Variants in LRRFIP1 observed in about 807,000 individuals in gnomAD.
The protein encoded by LRRFIP1 is LRR binding FLII interacting protein 1, also known as leucine-rich repeat flightless-interacting protein 1.
LRRFIP1 carries 62 observed loss-of-function variants against 104.4 expected under a neutral mutation model. The observed-to-expected ratio is 0.59, with a 90% CI of 0.48 to 0.73. LRRFIP1 has a LOEUF of 0.73. Among genes scored for constraint, LRRFIP1 ranks in the 30% least tolerant of loss-of-function variants. The pLI, the probability that LRRFIP1 is intolerant of heterozygous loss-of-function variation, is 0.00. For synonymous variants in LRRFIP1, 300 were observed against 299.0 expected (o/e 1.00, Z -0.03); for missense variants, 796 against 824.5 (o/e 0.97, Z 0.42).
At chr2:237,777,491 T>C (rs1210187075) in intron 23 of LRRFIP1, among the ~76,000 whole-genome samples, 1 of 152,198 alleles carries the variant, frequency 6.6e-6, no homozygotes, top group Non-Finnish European at 1.5e-5. Context: ...TTCTGTGTGG[T>C]GGTCATTTTC....
rs568285725 is a variant in LRRFIP1, at chr2:237,779,998, G to T, written c.*466G>T. On this transcript the variant is annotated 3_prime_UTR_variant, in exon 24 of 24. Transcript: ENST00000308482. ...ACTTCAGTAGTATCTCTTAGTCTAC[G>T]CTTTTCATACACAAAACACTGTGGA... 5 of 152,980 alleles carry T rather than the reference G, an allele frequency of 3.3e-5. No individual in the cohort carries two copies. In the East Asian group the frequency reaches 9.6e-4, roughly 29 times the overall value. The allele number at this position is 152,980 out of a possible 1,614,324, so 9.5% of individuals were successfully genotyped here.
chr2:237,763,045 G>T, intron 19 of LRRFIP1: 1 of 1,614,216 alleles, frequency 6.2e-7, no homozygotes, highest in Non-Finnish European at 8.5e-7. Flanking sequence ...GTCCTTTAGG[G>T]CATAGTGATG....
intron 23 of LRRFIP1, 43 bp downstream of exon 23, chr2:237,774,505 T>C (rs777454360): frequency 7.6e-7 from 1 of 1,314,924 alleles, no homozygotes. Flanking sequence ...TGGCTGCCAG[T>C]ATTTCTCTAG....
intron 19 of LRRFIP1, chr2:237,762,609 C>T: frequency 3.1e-6 from 5 of 1,599,898 alleles, no homozygotes; most frequent in Non-Finnish European, 4.3e-6. Flanking sequence ...TTAGGAAGAG[C>T]CAGTGAAGTG....
rs569908630 is a variant in LRRFIP1 at position 237,762,803 on chromosome 2, G to C, written c.1459+2598G>C. The C allele has an allele frequency of 1.9e-5, 30 of 1,614,220 alleles. No individual in the cohort carries two copies. In the South Asian group the frequency reaches 3.1e-4, roughly 17 times the overall value. ...TGCCCCATTCCTAGGAACCTTAGCA[G>C]GTGCTACCTATGAGGAACAGGTTCA... On this transcript the variant is annotated intron_variant, in intron 19 of 23. Coordinates refer to ENST00000308482, the MANE Select transcript of LRRFIP1 (RefSeq NM_001137550.2).
At chr2:237,660,405 G>A (rs759791303) in intron 1 of LRRFIP1, among the ~76,000 whole-genome samples, 12 of 152,150 alleles carry the variant, frequency 7.9e-5, no homozygotes, top group Non-Finnish European at 1.8e-4. Flanking sequence ...GTGCTGATGA[G>A]AGAGTCCACA....
intron 5 of LRRFIP1, among the ~76,000 whole-genome samples, chr2:237,719,875 A>G (rs760062285): frequency 3.3e-5 from 5 of 151,968 alleles, no homozygotes; most frequent in Non-Finnish European, 4.4e-5. Flanking sequence ...TCTGCATAGT[A>G]ATATACACCA....
chr2:237,678,685 T>TC lies in LRRFIP1; in HGVS notation c.97-29859_97-29858insC, dbSNP rs372978519. 8.5e-3 allele frequency among the ~76,000 whole-genome samples: 1,296 copies of TC among 152,094 alleles called. 16 individuals carry two copies. The highest frequency in any genetic ancestry group is 0.025 in the African/African-American group (1,053 of 41,468). On this transcript the variant is annotated intron_variant, in intron 1 of 23. Transcript: ENST00000308482. ...CAAGCCCAGCTAATTTTTGGATTTTTTTAGTAGAGACAAGGTTTCACCATG... is the reference window on the plus strand; with the variant it reads ...CAAGCCCAGCTAATTTTTGGATTTTTCTTAGTAGAGACAAGGTTTCACCATG...
intron 1 of LRRFIP1, among the ~76,000 whole-genome samples, chr2:237,702,530 C>T (rs954606601): frequency 1.3e-5 from 2 of 152,204 alleles, no homozygotes; most frequent in African/African-American, 2.4e-5. Context: ...TCCATCCTAA[C>T]CCCGCGGGCA....
intron 18 of LRRFIP1, among the ~76,000 whole-genome samples, chr2:237,759,180 T>C (rs976882825): frequency 1.3e-5 from 2 of 152,188 alleles, no homozygotes; most frequent in Admixed American, 1.3e-4. Flanking sequence ...AGGACTTCTC[T>C]AGAGGAACAG....
intron 11 of LRRFIP1, among the ~76,000 whole-genome samples, chr2:237,740,720 G>A (rs1280645971): frequency 6.6e-6 from 1 of 152,158 alleles, no homozygotes; most frequent in Non-Finnish European, 1.5e-5. Context: ...GCAAATGCAG[G>A]TATCAGCTTC....
At chr2:237,684,729 G>A (rs1410808523) in intron 1 of LRRFIP1, among the ~76,000 whole-genome samples, 1 of 152,032 alleles carries the variant, frequency 6.6e-6, no homozygotes, top group African/African-American at 2.4e-5. Flanking sequence ...AATACATAAT[G>A]GATTTTAGCT....
intron 11 of LRRFIP1, among the ~76,000 whole-genome samples, chr2:237,745,569 CA>C (rs1379410636): frequency 3.3e-5 from 5 of 152,014 alleles, no homozygotes; most frequent in Admixed American, 3.3e-4. Flanking sequence ...CAAAACCATG[CA>C]GAACAAAGAT....
chr2:237,743,264 A>G (rs1458784191), intron 11 of LRRFIP1, among the ~76,000 whole-genome samples: 1 of 151,784 alleles, frequency 6.6e-6, no homozygotes, highest in Non-Finnish European at 1.5e-5. Context: ...ATACAGGTGC[A>G]CAGGTGAGTG....
chr2:237,705,101 G>A (rs1338944885), intron 1 of LRRFIP1, among the ~76,000 whole-genome samples: 4 of 152,186 alleles, frequency 2.6e-5, no homozygotes, highest in African/African-American at 7.2e-5. Flanking sequence ...TGCACGCTCA[G>A]GCAGGCGAGC....
At chr2:237,719,397 ATATT>A (rs527964344) in intron 4 of LRRFIP1, 122 bp from the exon 5 acceptor site, 91 of 622,474 alleles carry the variant, frequency 1.5e-4, no homozygotes, top group African/African-American at 1.4e-3. Context: ...GGCAAAGAAA[ATATT>A]TATGTGACAT....
At chr2:237,680,589 G>A (rs2091698127) in intron 1 of LRRFIP1, among the ~76,000 whole-genome samples, 1 of 152,192 alleles carries the variant, frequency 6.6e-6, no homozygotes, top group African/African-American at 2.4e-5. Flanking sequence ...TGGTTGGAAG[G>A]GGTCCTAGAA....
chr2:237,704,253 C>A (rs556976372), intron 1 of LRRFIP1, among the ~76,000 whole-genome samples: 3 of 151,072 alleles, frequency 2.0e-5, no homozygotes, highest in Admixed American at 2.0e-4. Flanking sequence ...CCCAGGTTCA[C>A]GTAATTCTTC....
chr2:237,750,932 C>T (rs984413160), intron 13 of LRRFIP1, among the ~76,000 whole-genome samples: 11 of 152,046 alleles, frequency 7.2e-5, no homozygotes, highest in Non-Finnish European at 1.2e-4. Context: ...TACCGTTTTC[C>T]GAGGCTCTAT....
Sources: allele counts gnomAD v4.1 joint callset (sites outside exome capture counted in the v4.1 genomes callset), GRCh38; gene constraint gnomAD v4.1.1; transcripts MANE v1.5; gene names NCBI Gene and HGNC (gene_info 2026-07-23, HGNC 2026-07-21).